Variants in IFT140 observed in about 807,000 individuals in gnomAD.
IFT140 encodes the protein intraflagellar transport 140.
In IFT140, 133 loss-of-function variants were observed where a neutral mutation model predicts 164.6. That is an observed-to-expected ratio of 0.81 (90% CI 0.70 to 0.93). The LOEUF is 0.93. Ranked by LOEUF, IFT140 falls within the 40% of genes least tolerant of loss-of-function variation. The pLI, the probability that IFT140 is intolerant of heterozygous loss-of-function variation, is 0.00. For synonymous variants in IFT140, 860 were observed against 817.3 expected, an observed-to-expected ratio of 1.05 and a Z score of -0.89; for missense variants, 2,045 against 1,972.3, an observed-to-expected ratio of 1.04 and a Z score of -0.70.
chr16:1,564,302 G>A lies in IFT140; in HGVS notation c.1902-140C>T. ...GCGCTCAGCTCTGGGAGAACTTTTG[G>A]GGTCTCACTGCCATGCGCCCTACTG... is the stretch of plus-strand genomic sequence containing the variant. On this transcript the variant is annotated intron_variant, in intron 16 of 30. Transcript: ENST00000426508. This position sits in a 1 kb window ranked among gnomAD's most constrained non-coding sequence, Gnocchi z 5.5. 5.4e-6 allele frequency: 3 copies of A among 559,476 alleles called. No homozygotes were observed. Among genetic ancestry groups the A allele is most frequent in the Non-Finnish European group, 8.8e-6 (3 of 340,312 alleles). The allele number at this position is 559,476 out of a possible 1,614,324, so 34.7% of individuals were successfully genotyped here.
intron 19 of IFT140, among the ~76,000 whole-genome samples, chr16:1,550,024 C>T (rs796968280): frequency 7.9e-5 from 12 of 152,162 alleles, no homozygotes; most frequent in African/African-American, 2.6e-4. Context: ...GGTGCAATCA[C>T]GGCTTACTGC....
chr16:1,519,079 G>A (rs1351072332), intron 29 of IFT140, among the ~76,000 whole-genome samples: 1 of 152,204 alleles, frequency 6.6e-6, no homozygotes, highest in Non-Finnish European at 1.5e-5. Flanking sequence ...ATGACCAGCT[G>A]CTATCGATTC....
intron 13 of IFT140, among the ~76,000 whole-genome samples, chr16:1,572,631 G>A (rs1647508258): frequency 6.6e-6 from 1 of 152,182 alleles, no homozygotes; most frequent in Non-Finnish European, 1.5e-5. Context: ...GGGCGACAGA[G>A]CAAGACTCCA....
In IFT140 at chr16:1,562,002, A is replaced by G. The variant is rs2033435677; in HGVS notation, c.2182T>C (p.Tyr728His). Residue 728 changes from tyrosine to histidine, a missense_variant, in exon 18 of 31, where the codon TAC (tyrosine) becomes CAC (histidine). Coordinates refer to ENST00000426508, the MANE Select transcript of IFT140 (RefSeq NM_014714.4). ...HSLLGMEVPY[Y>H]YFTRKPEEAD... ...CTTCGTACCTTTCTTGTGAAGTAGT[A>G]ATAAGGCACTTCCATCCCCAGGAGA... 1.1e-5 allele frequency: 17 copies of G among 1,607,346 alleles called. No individual in the cohort carries two copies. Among genetic ancestry groups the G allele is most frequent in the Non-Finnish European group, 1.4e-5 (17 of 1,177,436 alleles).
rs115039155 is a variant in IFT140 at position 1,526,435 on chromosome 16, G to A, written c.2577+184C>T. 44,875 of 682,228 alleles carry A rather than the reference G, an allele frequency of 0.066. 1,894 individuals carry two copies. The highest frequency in any genetic ancestry group is 0.16 in the African/African-American group (8,823 of 54,688). The allele number at this position is 682,228 out of a possible 1,614,324, so 42.3% of individuals were successfully genotyped here. On this transcript the variant is annotated intron_variant, in intron 20 of 30. Coordinates refer to ENST00000426508, the MANE Select transcript of IFT140 (RefSeq NM_014714.4). ...CACACACCCTGGAGAGCCGGCGGTC[G>A]CCTAGCCTCCACCCACCTCACCTCC...
chr16:1,571,285 C>T (rs1042602359), intron 14 of IFT140, 122 bp downstream of exon 14: 8 of 853,932 alleles, frequency 9.4e-6, no homozygotes, highest in Non-Finnish European at 1.4e-5. Context: ...GCACAAGTGG[C>T]ATGTCGGTGT....
chr16:1,528,275 C>G (rs934071803), intron 19 of IFT140, among the ~76,000 whole-genome samples: 1 of 152,154 alleles, frequency 6.6e-6, no homozygotes, highest in African/African-American at 2.4e-5. Context: ...CTCTGCCACA[C>G]GCGCCTCCCC....
Position 1,518,331 on chromosome 16 carries a change from G to C in IFT140, c.4067C>G (p.Ser1356Cys). The C allele has an allele frequency of 6.2e-7, 1 of 1,614,076 alleles. No individual in the cohort carries two copies. Among genetic ancestry groups the C allele is most frequent in the Non-Finnish European group, 8.5e-7 (1 of 1,180,022 alleles). The change falls in exon 30 of 31, where the codon TCC becomes TGC. Residue 1356 changes from serine (S) to cysteine (C), a missense_variant. Ser to Cys is a moderately radical substitution (Grantham distance 112, BLOSUM62 -1). Transcript: ENST00000426508. ...CAGGAGCAGCTCACACTGCTTGATG[G>C]ACTCCTTGGGGTCCTCTGTGTACGT... is the stretch of plus-strand genomic sequence containing the variant. Reference protein sequence around the residue: ...RRTYTEDPKESIKQCELLLEE... With the variant: ...RRTYTEDPKECIKQCELLLEE...
rs1158912559 is a variant in IFT140, at chr16:1,510,794, C to T, written c.*150G>A. 5.3e-6 allele frequency: 4 copies of T among 750,810 alleles called. No homozygotes were observed. The African/African-American group carries it at 6.9e-5, about 13-fold the overall frequency. The allele number at this position is 750,810 out of a possible 1,614,324, so 46.5% of individuals were successfully genotyped here. Reference sequence around the variant, plus strand: ...CAGACGGGTCACACCCTCCGCCGGCCCGGGCCGCTGCGTTCTCGCCCAGCT... The same window carrying T: ...CAGACGGGTCACACCCTCCGCCGGCTCGGGCCGCTGCGTTCTCGCCCAGCT... On this transcript the variant is annotated 3_prime_UTR_variant, in exon 31 of 31. Coordinates refer to ENST00000426508, the MANE Select transcript of IFT140 (RefSeq NM_014714.4).
intron 4 of IFT140, among the ~76,000 whole-genome samples, chr16:1,597,156 C>T (rs201663419): frequency 1.1e-4 from 17 of 152,116 alleles, no homozygotes; most frequent in East Asian, 1.9e-4. Flanking sequence ...TCAGGGTGCG[C>T]GTCAGGTGAG....
Position 1,531,647 on chromosome 16 carries a change from A to C in IFT140, c.2400-4851T>G, listed in dbSNP as rs1204850831. The C allele has an allele frequency of 1.3e-5, 2 of 151,750 alleles. No individual in the cohort carries two copies. The highest frequency in any genetic ancestry group is 2.9e-5 in the Non-Finnish European group (2 of 67,998). 9.4% of individuals were successfully genotyped at this position (151,750 alleles called of 1,614,324 possible). Reference sequence around the variant, plus strand: ...CTCCCAGGAGGGTCGCTCTTAACTTACATGCTGCTCCCAGGCCTTCCGCCC... The same window carrying C: ...CTCCCAGGAGGGTCGCTCTTAACTTCCATGCTGCTCCCAGGCCTTCCGCCC... On this transcript the variant is annotated intron_variant, in intron 19 of 30. Transcript: ENST00000426508. This position sits in a 1 kb window ranked among gnomAD's most constrained non-coding sequence, Gnocchi z 4.7.
intron 4 of IFT140, among the ~76,000 whole-genome samples, chr16:1,599,477 T>A (rs1333026906): frequency 1.6e-5 from 1 of 61,528 alleles, no homozygotes; most frequent in Non-Finnish European, 3.0e-5. Flanking sequence ...GGTGGGGGGG[T>A]CGGCCCCCCG....
intron 13 of IFT140, 138 bp downstream of exon 13, chr16:1,580,621 C>T: frequency 1.7e-6 from 1 of 584,882 alleles, no homozygotes; most frequent in Non-Finnish European, 3.1e-6. Flanking sequence ...TATAAATTAC[C>T]CGGTCTCAGG....
At chr16:1,513,308 T>G (rs1028405536) in intron 30 of IFT140, 1 of 152,100 alleles carries the variant, frequency 6.6e-6, no homozygotes, top group Non-Finnish European at 1.5e-5. Context: ...GCTAACACGG[T>G]GAAACCCCGT....
At position 1,519,899 on chromosome 16, in the gene IFT140, C is replaced by A; in HGVS notation, c.4022G>T (p.Arg1341Met). The change falls in exon 29 of 31, where the codon AGG becomes ATG. Residue 1341 changes from arginine to methionine, a missense_variant. Arg to Met is a moderately conservative substitution (Grantham distance 91, BLOSUM62 -1). Coordinates refer to ENST00000426508, the MANE Select transcript of IFT140 (RefSeq NM_014714.4). ...QLQSRMALVKRFIQARRTYTE... is the reference protein window; with the variant it reads ...QLQSRMALVKMFIQARRTYTE... ...GGCACACCTGCGGGCCTGGATGAACCTCTTCACCAGTGCCATCCTGCTCTG... is the reference window on the plus strand; with the variant it reads ...GGCACACCTGCGGGCCTGGATGAACATCTTCACCAGTGCCATCCTGCTCTG... 6.4e-7 allele frequency: 1 copy of A among 1,563,850 alleles called. No homozygotes were observed. The highest frequency in any genetic ancestry group is 8.6e-7 in the Non-Finnish European group (1 of 1,157,706).
At chr16:1,513,789 T>G (rs1271404419) in intron 30 of IFT140, among the ~76,000 whole-genome samples, 3 of 149,998 alleles carry the variant, frequency 2.0e-5, no homozygotes, top group Non-Finnish European at 4.4e-5. Context: ...TTCTCCTGCC[T>G]CAGCCTCCCA....
In IFT140 at chr16:1,566,177, C is replaced by A. The variant is rs746920430; in HGVS notation, c.1885G>T (p.Glu629Ter). 1.2e-6 allele frequency: 2 copies of A among 1,613,544 alleles called. No homozygotes were observed. Among genetic ancestry groups the A allele is most frequent in the South Asian group, 2.2e-5 (2 of 91,002 alleles). The part of the protein sequence containing the change: ...IDRRETLSFN[E>*]QETNKSHLFV... ...CAATCTTACTTATTAGTCTCTTGCT[C>A]ATTAAAGGACAGCGTCTCTCTCCGA... Residue 629 changes from glutamate to a stop codon, truncating the protein, a stop_gained, in exon 16 of 31, where the codon GAG (glutamate) becomes TAG (stop). Transcript: ENST00000426508. LOFTEE classifies it high-confidence loss of function.
At chr16:1,561,594 T>C (rs936615503) in intron 18 of IFT140, among the ~76,000 whole-genome samples, 6 of 152,182 alleles carry the variant, frequency 3.9e-5, no homozygotes, top group Non-Finnish European at 1.5e-5. Flanking sequence ...ACAGTGAATA[T>C]AGAAATGCAT....
rs779642758 is a variant in IFT140 at position 1,589,712 on chromosome 16, T to C, written c.703A>G (p.Met235Val). 6.2e-7 allele frequency: 1 copy of C among 1,614,118 alleles called. No individual in the cohort carries two copies. Among genetic ancestry groups the C allele is most frequent in the East Asian group, 2.2e-5 (1 of 44,880 alleles). The stretch of plus-strand genomic sequence containing the variant: ...TCCCTCTTCTCCATGTAGAACAGCA[T>C]CTGAATCGTGCTGTCTGCGGACACC... ...QVVSADSTIQMLFYMEKREAL... is the reference protein window; with the variant it reads ...QVVSADSTIQVLFYMEKREAL... Residue 235 changes from methionine to valine, a missense_variant, in exon 7 of 31, where the codon ATG (methionine) becomes GTG (valine). Physicochemically the swap from Met to Val is conservative, Grantham distance 21. Transcript: ENST00000426508.
Sources: gnomAD v4.1 joint callset for allele counts (sites outside exome capture counted in the v4.1 genomes callset) on GRCh38, gnomAD v4.1.1 for gene constraint, Gnocchi (gnomAD v3.1) non-coding constraint, MANE v1.5 for transcripts, NCBI Gene and HGNC (gene_info 2026-07-23, HGNC 2026-07-21) for gene names.